TMEM131L: variants seen among roughly 807,000 people sequenced by gnomAD.
The protein encoded by TMEM131L is transmembrane 131 like, also known as transmembrane protein 131-like.
In TMEM131L, 54 loss-of-function variants were observed where a neutral mutation model predicts 192.2. That is an observed-to-expected ratio of 0.28 (90% confidence interval 0.23 to 0.35). The LOEUF is 0.35. Among genes scored for constraint, TMEM131L ranks in the 10% least tolerant of loss-of-function variants. The pLI is 1.00. For missense variants in TMEM131L, 1,888 were observed against 1,972.9 expected (o/e 0.96, Z 0.82); for synonymous variants, 701 against 704.9 (o/e 0.99, Z 0.09).
chr4:153,490,953 CAAAAAAAAAAA>C (rs3040164), intron 3 of TMEM131L, among the ~76,000 whole-genome samples: 1 of 82,108 alleles, frequency 1.2e-5, no homozygotes, highest in Non-Finnish European at 2.4e-5. Flanking sequence ...GACTCTGTCT[CAAAAAAAAAAA>C]AAAAAAAAAA....
intron 3 of TMEM131L, among the ~76,000 whole-genome samples, chr4:153,487,635 G>C (rs1025862422): frequency 2.6e-5 from 4 of 152,084 alleles, no homozygotes; most frequent in African/African-American, 9.7e-5. Flanking sequence ...TCACAGCACA[G>C]GGTGGTATGT....
At chr4:153,557,132 A>G (rs1222816776) in intron 6 of TMEM131L, 50 bp downstream of exon 6, 2 of 824,252 alleles carry the variant, frequency 2.4e-6, no homozygotes, top group African/African-American at 3.4e-5. Context: ...ACTTAACTGT[A>G]GGGGTGTGTG....
intron 3 of TMEM131L, among the ~76,000 whole-genome samples, chr4:153,504,985 G>A (rs1184154078): frequency 6.6e-6 from 1 of 152,272 alleles, no homozygotes; most frequent in Non-Finnish European, 1.5e-5. Flanking sequence ...GAACTGTGGG[G>A]TGCAGAGCAA....
At chr4:153,623,126 C>G (rs371936890) in intron 29 of TMEM131L, 43 bp downstream of exon 29, 44 of 1,500,632 alleles carry the variant, frequency 2.9e-5, no homozygotes, top group Non-Finnish European at 3.7e-5. Context: ...GTGGCCCTTC[C>G]CTCTGCCCTC....
intron 3 of TMEM131L, among the ~76,000 whole-genome samples, chr4:153,482,529 T>C: frequency 6.6e-6 from 1 of 152,124 alleles, no homozygotes; most frequent in East Asian, 1.9e-4. Flanking sequence ...ATCAGAAAAA[T>C]AGTACAGTAA....
intron 3 of TMEM131L, among the ~76,000 whole-genome samples, chr4:153,523,993 A>T (rs539821453): frequency 2.5e-4 from 38 of 152,306 alleles, no homozygotes; most frequent in African/African-American, 8.7e-4. Context: ...TAGAAAATTC[A>T]TGTTTATTGT....
At position 153,581,428 on chromosome 4, in the gene TMEM131L, G is replaced by A. The variant is rs1388383010; in HGVS notation, c.760G>A (p.Asp254Asn). ...QLKGCYLESD[D>N]VLRLQMSIMV... ...ATAGGGTTGTTATCTGGAATCTGAT[G>A]ATGTTTTGCGTCTACAAATGAGCAT... Residue 254 changes from aspartate to asparagine, a missense_variant, in exon 9 of 35, where the codon GAT becomes AAT. By Grantham distance (23) the Asp-to-Asn change is conservative. Transcript: ENST00000409959. 1.9e-6 allele frequency: 3 copies of A among 1,569,930 alleles called. No homozygotes were observed. The highest frequency in any genetic ancestry group is 2.4e-5 in the South Asian group (2 of 83,920).
At position 153,623,009 on chromosome 4, in the gene TMEM131L, G is replaced by T; in HGVS notation, c.3971G>T (p.Gly1324Val). Residue 1324 changes from glycine to valine, a missense_variant, in exon 29 of 35, where the codon GGG (glycine) becomes GTG (valine). Gly to Val is a moderately radical substitution (Grantham distance 109). Coordinates refer to ENST00000409959, the MANE Select transcript of TMEM131L (RefSeq NM_001131007.2). Reference sequence around the variant, plus strand: ...GTGCGTGCCAGCCGGGGCAGCTGGGGGAGCTGGAGCAGCACCAGCAGCTCC... The same window carrying T: ...GTGCGTGCCAGCCGGGGCAGCTGGGTGAGCTGGAGCAGCACCAGCAGCTCC... The part of the protein sequence containing the change: ...GSVRASRGSW[G>V]SWSSTSSSDG... 1 of 1,614,114 alleles carries T rather than the reference G, an allele frequency of 6.2e-7. No individual in the cohort carries two copies. The highest frequency in any genetic ancestry group is 8.5e-7 in the Non-Finnish European group (1 of 1,180,030).
chr4:153,622,904 A>G lies in TMEM131L; in HGVS notation c.3866A>G (p.Tyr1289Cys). 1 of 1,614,182 alleles carries G rather than the reference A, an allele frequency of 6.2e-7. No individual in the cohort carries two copies. The highest frequency in any genetic ancestry group is 2.2e-5 in the East Asian group (1 of 44,886). ...LPAAQREAEG[Y>C]YQKPEKKCVD... ...CTCCTTTCACTTCCTCCAGAAGGTT[A>G]CTACCAGAAGCCTGAGAAGAAATGT... The change falls in exon 29 of 35, where the codon TAC becomes TGC. Residue 1289 changes from tyrosine (Y) to cysteine (C), a missense_variant. Coordinates refer to ENST00000409959, the MANE Select transcript of TMEM131L (RefSeq NM_001131007.2).
At position 153,609,830 on chromosome 4, in the gene TMEM131L, A is replaced by G. The variant is rs193107693; in HGVS notation, c.3419-2422A>G. Among the ~76,000 whole-genome samples the G allele has an allele frequency of 8.7e-3, 1,330 of 152,282 alleles. 13 individuals carry two copies. The highest frequency in any genetic ancestry group is 0.015 in the Non-Finnish European group (1,011 of 68,014). ...TGGCACCTATTTTTTTGAGGCAAAT[A>G]TCTGTATTGTATTTCATACTTATGG... On this transcript the variant is annotated intron_variant, in intron 25 of 34. Coordinates refer to ENST00000409959, the MANE Select transcript of TMEM131L (RefSeq NM_001131007.2).
intron 31 of TMEM131L, among the ~76,000 whole-genome samples, chr4:153,629,367 A>G (rs1734062547): frequency 6.6e-6 from 1 of 152,338 alleles, no homozygotes; most frequent in East Asian, 1.9e-4. Flanking sequence ...TGTAGCCTGA[A>G]GAATTGTCAG....
intron 31 of TMEM131L, among the ~76,000 whole-genome samples, chr4:153,631,304 T>G (rs1734192412): frequency 6.6e-6 from 1 of 152,192 alleles, no homozygotes; most frequent in Non-Finnish European, 1.5e-5. Context: ...GGGGATAAAG[T>G]TTCCCTAGAG....
chr4:153,477,010 G>T (rs768684373), intron 3 of TMEM131L, among the ~76,000 whole-genome samples: 45 of 152,166 alleles, frequency 3.0e-4, no homozygotes, highest in Non-Finnish European at 5.9e-4. Flanking sequence ...GTGGGAGCAA[G>T]AAAAATTGAG....
In TMEM131L at chr4:153,612,220, G is replaced by C. The variant is rs1353162561; in HGVS notation, c.3419-32G>C. The C allele has an allele frequency of 2.0e-6, 3 of 1,478,468 alleles. No individual in the cohort carries two copies. In the African/African-American group the frequency reaches 4.3e-5, roughly 21 times the overall value. 91.6% of individuals were successfully genotyped at this position (1,478,468 alleles called of 1,614,324 possible). A position where few individuals can be genotyped will look rare whatever the true frequency, so the allele number is the denominator to read the frequency against. On this transcript the variant is annotated intron_variant, in intron 25 of 34. Transcript: ENST00000409959. ...TGGGGAATGTGAGTGGAAACTATTAGCTAGAAATTGAATTGTTTTTGTTTA... is the reference window on the plus strand; with the variant it reads ...TGGGGAATGTGAGTGGAAACTATTACCTAGAAATTGAATTGTTTTTGTTTA...
At chr4:153,491,172 C>CT (rs1260356125) in intron 3 of TMEM131L, among the ~76,000 whole-genome samples, 3 of 152,076 alleles carry the variant, frequency 2.0e-5, no homozygotes, top group Non-Finnish European at 4.4e-5. Context: ...CTTACGTTTT[C>CT]TTTTTATTTC....
intron 25 of TMEM131L, among the ~76,000 whole-genome samples, chr4:153,610,273 C>G (rs1022435700): frequency 6.6e-6 from 1 of 152,188 alleles, no homozygotes; most frequent in African/African-American, 2.4e-5. Context: ...TTCACTAATT[C>G]TAAGTTATTC....
intron 3 of TMEM131L, among the ~76,000 whole-genome samples, chr4:153,530,642 TC>T (rs1656712967): frequency 6.6e-6 from 1 of 152,180 alleles, no homozygotes; most frequent in Non-Finnish European, 1.5e-5. Flanking sequence ...CACATTTCAC[TC>T]ATGCAAGTTC....
At chr4:153,564,481 T>G in intron 7 of TMEM131L, among the ~76,000 whole-genome samples, 1 of 152,098 alleles carries the variant, frequency 6.6e-6, no homozygotes. Context: ...CTACCTAGTT[T>G]GAGGCATTTT....
intron 3 of TMEM131L, among the ~76,000 whole-genome samples, chr4:153,542,023 TTTCC>T (rs1736821168): frequency 6.6e-6 from 1 of 152,184 alleles, no homozygotes; most frequent in South Asian, 2.1e-4. Context: ...TATCTGGCCC[TTTCC>T]GAATCCAGGA....
Sources: gnomAD v4.1 joint callset for allele counts (sites outside exome capture counted in the v4.1 genomes callset) on GRCh38, gnomAD v4.1.1 for gene constraint, MANE v1.5 for transcripts, NCBI Gene and HGNC (gene_info 2026-07-23, HGNC 2026-07-21) for gene names.